The following MEGF9 variants were observed in gnomAD, a reference collection of about 807,000 sequenced individuals.
MEGF9 encodes the protein multiple epidermal growth factor-like domains protein 9.
MEGF9 carries 6 observed loss-of-function variants against 46.8 expected under a neutral mutation model. The ratio of observed to expected loss-of-function variants is 0.13; its 90% CI spans 0.07 to 0.25. The LOEUF is 0.25. MEGF9 is among the 10% of genes least tolerant of loss of function. The pLI, the probability that MEGF9 is intolerant of heterozygous loss-of-function variation, is 1.00. For missense variants in MEGF9, 683 were observed against 792.4 expected (o/e 0.86, Z 1.66); for synonymous variants, 302 against 330.7 (o/e 0.91, Z 0.94).
intron 3 of MEGF9, among the ~76,000 whole-genome samples, chr9:120,621,517 T>C (rs1452995495): frequency 6.6e-6 from 1 of 152,254 alleles, no homozygotes; most frequent in Non-Finnish European, 1.5e-5. Context: ...TTTGATATTT[T>C]AGAGATTCCA....
At chr9:120,663,254 G>C (rs2043710601) in intron 1 of MEGF9, among the ~76,000 whole-genome samples, 1 of 152,158 alleles carries the variant, frequency 6.6e-6, no homozygotes, top group Non-Finnish European at 1.5e-5. Flanking sequence ...CAGAACTTAA[G>C]GCCCGTCCCA....
intron 2 of MEGF9, among the ~76,000 whole-genome samples, chr9:120,627,637 A>AT (rs1156439903): frequency 6.6e-6 from 1 of 152,100 alleles, no homozygotes; most frequent in Non-Finnish European, 1.5e-5. Flanking sequence ...TAATTTTTGT[A>AT]TTTTTAGCAG....
chr9:120,678,566 G>A (rs1269655331), intron 1 of MEGF9, among the ~76,000 whole-genome samples: 2 of 152,112 alleles, frequency 1.3e-5, no homozygotes, highest in African/African-American at 4.8e-5. Context: ...TCTGCCTCCC[G>A]GGTTCAAGGA....
chr9:120,644,897 G>GTA (rs2043618891), intron 2 of MEGF9, among the ~76,000 whole-genome samples: 1 of 152,288 alleles, frequency 6.6e-6, no homozygotes, highest in East Asian at 1.9e-4. Flanking sequence ...AACACATTAA[G>GTA]TATAGTAAAA....
At chr9:120,709,042 C>A (rs1003638042) in intron 1 of MEGF9, among the ~76,000 whole-genome samples, 1 of 152,170 alleles carries the variant, frequency 6.6e-6, no homozygotes, top group African/African-American at 2.4e-5. Flanking sequence ...AATGAGGCAA[C>A]TGCCCTCTCT....
At chr9:120,650,916 C>A (rs1032924233) in intron 2 of MEGF9, among the ~76,000 whole-genome samples, 1 of 152,070 alleles carries the variant, frequency 6.6e-6, no homozygotes, top group African/African-American at 2.4e-5. Flanking sequence ...TTTCCTATTA[C>A]ACTTTAATTT....
At chr9:120,678,918 C>G (rs1003433648) in intron 1 of MEGF9, among the ~76,000 whole-genome samples, 1 of 152,198 alleles carries the variant, frequency 6.6e-6, no homozygotes, top group African/African-American at 2.4e-5. Context: ...ATCAAAACCA[C>G]AATGAGATAC....
rs184157453 is a variant in MEGF9, at chr9:120,648,800, G to A, written c.803+10574C>T. ...TACTGTCCAGTATTACACAAGAGATGACCTTCAGAGCCCTATATGAATGTA... is the reference window on the plus strand; with the variant it reads ...TACTGTCCAGTATTACACAAGAGATAACCTTCAGAGCCCTATATGAATGTA... On this transcript the variant is annotated intron_variant, in intron 2 of 5. Transcript: ENST00000373930. Among the ~76,000 whole-genome samples, 231 of 152,316 alleles carry A rather than the reference G, an allele frequency of 1.5e-3. 2 individuals are homozygous for A. Among genetic ancestry groups the A allele is most frequent in the Admixed American group, 0.015 (227 of 15,294 alleles).
At chr9:120,628,047 G>A (rs764786412) in intron 2 of MEGF9, among the ~76,000 whole-genome samples, 1 of 152,108 alleles carries the variant, frequency 6.6e-6, no homozygotes, top group Non-Finnish European at 1.5e-5. Context: ...ATACCAAACT[G>A]CTGATTATAA....
At chr9:120,659,309 G>C in intron 2 of MEGF9, 65 bp downstream of exon 2, 1 of 1,418,010 alleles carries the variant, frequency 7.1e-7, no homozygotes, top group Non-Finnish European at 9.7e-7. Flanking sequence ...GTCCTTGAGA[G>C]TAGCAGCCTT....
chr9:120,703,206 A>C (rs903121278), intron 1 of MEGF9, among the ~76,000 whole-genome samples: 6 of 152,252 alleles, frequency 3.9e-5, no homozygotes, highest in Non-Finnish European at 5.9e-5. Context: ...CTAAAAAGAA[A>C]GGCATGATTA....
chr9:120,673,803 TA>T (rs535222004), intron 1 of MEGF9, among the ~76,000 whole-genome samples: 2 of 150,868 alleles, frequency 1.3e-5, no homozygotes. Flanking sequence ...TCGTCTCTAC[TA>T]AAAAAAATAC....
intron 2 of MEGF9, among the ~76,000 whole-genome samples, chr9:120,653,531 C>A (rs796695061): frequency 6.6e-6 from 1 of 152,068 alleles, no homozygotes. Flanking sequence ...GCCACCACAT[C>A]CAGCTAATTT....
At chr9:120,699,963 T>C (rs1327854406) in intron 1 of MEGF9, among the ~76,000 whole-genome samples, 2 of 152,230 alleles carry the variant, frequency 1.3e-5, no homozygotes, top group South Asian at 4.1e-4. Flanking sequence ...ATATATTTTG[T>C]GTAAAGAAGC....
intron 3 of MEGF9, 62 bp from the exon 4 acceptor site, chr9:120,612,601 A>G: frequency 6.9e-7 from 1 of 1,453,628 alleles, no homozygotes; most frequent in South Asian, 1.3e-5. Context: ...GTAACTTTCA[A>G]AAATCATGCC....
intron 5 of MEGF9, 55 bp downstream of exon 5, chr9:120,607,686 T>C: frequency 6.3e-7 from 1 of 1,578,214 alleles, no homozygotes; most frequent in East Asian, 2.3e-5. Flanking sequence ...AAGCCTTCCA[T>C]TTTTCACTGC....
intron 1 of MEGF9, among the ~76,000 whole-genome samples, chr9:120,661,763 T>C (rs1344869862): frequency 6.6e-6 from 1 of 152,226 alleles, no homozygotes; most frequent in Non-Finnish European, 1.5e-5. Flanking sequence ...TGCGTATGTG[T>C]GTTGTGGTTT....
At chr9:120,678,970 A>G (rs1362437427) in intron 1 of MEGF9, among the ~76,000 whole-genome samples, 1 of 152,144 alleles carries the variant, frequency 6.6e-6, no homozygotes, top group Non-Finnish European at 1.5e-5. Context: ...AAAAGTCAGG[A>G]AACAACAGGT....
intron 2 of MEGF9, among the ~76,000 whole-genome samples, chr9:120,628,484 T>TTG (rs1050267020): frequency 1.4e-5 from 2 of 144,114 alleles, no homozygotes; most frequent in African/African-American, 2.5e-5. Context: ...TTTTTTTTTT[T>TTG]TTTTTTTTTT....
Sources: gnomAD v4.1 joint callset for allele counts (sites outside exome capture counted in the v4.1 genomes callset) on GRCh38, gnomAD v4.1.1 for gene constraint, MANE v1.5 for transcripts, NCBI Gene and HGNC (gene_info 2026-07-23, HGNC 2026-07-21) for gene names.